Variants in OPLAH observed in about 807,000 individuals in gnomAD.
The protein encoded by OPLAH is 5-oxoprolinase, ATP-hydrolysing, also known as 5-oxoprolinase.
A neutral mutation model predicts 122.8 loss-of-function variants in OPLAH; 103 were observed. The ratio of observed to expected loss-of-function variants is 0.84; its 90% CI spans 0.71 to 0.99. The LOEUF (loss-of-function observed/expected upper bound fraction) is 0.99, where lower values mean the gene tolerates loss of function less well. OPLAH is among the 50% of genes least tolerant of loss of function. The probability of loss-of-function intolerance (pLI) is 0.00; values close to 1 mark genes in which losing one functional copy is unlikely to be tolerated. For synonymous variants in OPLAH, 875 were observed against 796.0 expected (o/e 1.10, Z -1.67); for missense variants, 1,902 against 1,836.5 (o/e 1.04, Z -0.65).
In OPLAH at chr8:144,060,039, G is replaced by A. The variant is rs782002325; in HGVS notation, c.-7C>T. 1.2e-6 allele frequency: 2 copies of A among 1,610,222 alleles called. No homozygotes were observed. The highest frequency in any genetic ancestry group is 2.2e-5 in the East Asian group (1 of 44,820). ...GGCCCTCGGGGCTGCCCATGGTGGT[G>A]GGGCTGGAGTCCCACAGGAGCTCTT... On this transcript the variant is annotated 5_prime_UTR_variant, in exon 2 of 27. Coordinates refer to ENST00000618853, the MANE Select transcript of OPLAH (RefSeq NM_017570.5).
At chr8:144,056,803 C>T (rs1554759318) in intron 12 of OPLAH, 48 bp from the exon 13 acceptor site, 1 of 1,554,898 alleles carries the variant, frequency 6.4e-7, no homozygotes, top group Non-Finnish European at 8.7e-7. Flanking sequence ...CTGCCCTGAC[C>T]CCACCCCACC....
intron 10 of OPLAH, 44 bp downstream of exon 10, chr8:144,057,404 C>T (rs782433568): frequency 1.7e-5 from 27 of 1,587,266 alleles, no homozygotes; most frequent in Non-Finnish European, 2.2e-5. Flanking sequence ...GGGCAGGGAG[C>T]AGGGCTGGGG....
chr8:144,057,836 G>T lies in OPLAH; in HGVS notation c.1156+20C>A, dbSNP rs781790957. 1.9e-6 allele frequency: 3 copies of T among 1,608,044 alleles called. No homozygotes were observed. The highest frequency in any genetic ancestry group is 3.4e-5 in the Admixed American group (2 of 58,812). ...GGCAAGCGGAGGGCAAGGCCAGGCC[G>T]GCCAGATCCTGACTCTTACCTTTGC... is the stretch of plus-strand genomic sequence containing the variant. On this transcript the variant is annotated intron_variant, in intron 9 of 26. Coordinates refer to ENST00000618853, the MANE Select transcript of OPLAH (RefSeq NM_017570.5).
In OPLAH at chr8:144,057,944, G is replaced by T. The variant is rs782248653; in HGVS notation, c.1089-21C>A. On this transcript the variant is annotated intron_variant, in intron 8 of 26. Transcript: ENST00000618853. ...CAGACCTAGGGGAAGGAAGGGCTGG[G>T]GTTGGAGTTGGACACGAGGAGGGAG... 2.5e-6 allele frequency: 4 copies of T among 1,611,986 alleles called. No individual in the cohort carries two copies. The South Asian group carries it at 4.4e-5, about 18-fold the overall frequency.
chr8:144,056,495 G>T lies in OPLAH; in HGVS notation c.1873C>A (p.Pro625Thr). The T allele has an allele frequency of 5.0e-6, 8 of 1,611,972 alleles. No individual in the cohort carries two copies. The highest frequency in any genetic ancestry group is 6.8e-6 in the Non-Finnish European group (8 of 1,179,490). ...TCGTCCACGACCACCGGCCGCTCAG[G>T]TATGACAAAGCCAAACTCCCTCATG... The part of the protein sequence containing the change: ...RYMREFGFVI[P>T]ERPVVVDDVR... Residue 625 changes from proline (P) to threonine (T), a missense_variant, in exon 14 of 27, where the codon CCT becomes ACT. Physicochemically the swap from Pro to Thr is conservative, Grantham distance 38. Around this residue, in one of 3 missense-constraint regions of OPLAH, gnomAD observed 1,726 missense variants for 1,642.1 expected, o/e 1.05. Coordinates refer to ENST00000618853, the MANE Select transcript of OPLAH (RefSeq NM_017570.5).
chr8:144,050,331 G>C, downstream of OPLAH: 1 of 964,604 alleles, frequency 1.0e-6, no homozygotes, highest in Non-Finnish European at 1.2e-6. Context: ...GCAAACAGCT[G>C]ACGCCGCTGC....
Position 144,051,925 on chromosome 8 carries a change from C to G in OPLAH, c.3613G>C (p.Gly1205Arg), listed in dbSNP as rs1014294544. ...LTERRAFRPYGLHGGEPGARG... is the reference protein window; with the variant it reads ...LTERRAFRPYRLHGGEPGARG... ...CTGGGGAACCGCGCACCGTGGAGCC[C>G]GTATGGCCGGAAGGCGCGGCGCTCG... The change falls in exon 25 of 27, where the codon GGG becomes CGG. Residue 1205 changes from glycine (G) to arginine (R), a missense_variant. Physicochemically the swap from Gly to Arg is moderately radical, Grantham distance 125. Around this residue, in one of 3 missense-constraint regions of OPLAH, gnomAD observed 1,726 missense variants for 1,642.1 expected, o/e 1.05. Transcript: ENST00000618853. The G allele has an allele frequency of 3.6e-5, 55 of 1,535,218 alleles. No homozygotes were observed. Among genetic ancestry groups the G allele is most frequent in the Non-Finnish European group, 4.3e-5 (49 of 1,147,538 alleles).
intron 3 of OPLAH, among the ~76,000 whole-genome samples, 172 bp downstream of exon 3, chr8:144,059,427 C>T (rs1292794650): frequency 1.3e-5 from 2 of 152,226 alleles, no homozygotes; most frequent in Middle Eastern, 3.2e-3. Flanking sequence ...ATCCTGTGCC[C>T]ACTCCGAGGG....
Position 144,058,504 on chromosome 8 carries a change from G to A in OPLAH, c.775C>T (p.Gln259Ter). 2 of 1,581,120 alleles carry A rather than the reference G, an allele frequency of 1.3e-6. No individual in the cohort carries two copies. Among genetic ancestry groups the A allele is most frequent in the Non-Finnish European group, 1.7e-6 (2 of 1,167,612 alleles). Residue 259 changes from glutamine (Q) to a stop codon, truncating the protein, a stop_gained, in exon 6 of 27, where the codon CAA becomes TAA. Transcript: ENST00000618853. LOFTEE classifies it high-confidence loss of function. ...GTGCCTCACAGCCTCACCTTGAGTT[G>A]GCCCTGGAAGCCACGGCAGAAGCCC... Reference protein sequence around the residue: ...VQGFCRGFQGQLKDVQVLFMR... With the variant: ...VQGFCRGFQG
chr8:144,057,415 G>A, intron 10 of OPLAH, 33 bp downstream of exon 10: 6 of 1,590,122 alleles, frequency 3.8e-6, no homozygotes, highest in Non-Finnish European at 5.1e-6. Context: ...AGGGCTGGGG[G>A]CAGGACAGGC....
At position 144,057,025 on chromosome 8, in the gene OPLAH, G is replaced by A. The variant is rs1835534967; in HGVS notation, c.1629C>T (p.Thr543=). The change falls in exon 12 of 27, where the codon ACC becomes ACT. Residue 543 remains threonine (T), a synonymous_variant. Coordinates refer to ENST00000618853, the MANE Select transcript of OPLAH (RefSeq NM_017570.5). ...EPCSLLYAPE[T]FVQLDQRLSR... ...TCAGCCTCTGGTCCAGCTGCACGAA[G>A]GTCTCAGGCGCGTAGAGCAGGGAGC... The A allele has an allele frequency of 6.3e-7, 1 of 1,598,600 alleles. No individual in the cohort carries two copies. The highest frequency in any genetic ancestry group is 8.5e-7 in the Non-Finnish European group (1 of 1,173,860).
rs782533925 is a variant in OPLAH at position 144,052,030 on chromosome 8, C to T, written c.3508G>A (p.Gly1170Ser). The change falls in exon 25 of 27, where the codon GGC (glycine) becomes AGC (serine). Residue 1170 changes from glycine to serine, a missense_variant. Physicochemically the swap from Gly to Ser is moderately conservative, Grantham distance 56. Around this residue, in one of 3 missense-constraint regions of OPLAH, gnomAD observed 1,726 missense variants for 1,642.1 expected, o/e 1.05. Coordinates refer to ENST00000618853, the MANE Select transcript of OPLAH (RefSeq NM_017570.5). Reference sequence around the variant, plus strand: ...TCGCCGCCTCGGAAGCGGCCTCTGCCCCCCGAGCCCCGCCGCAGCTCGAAG... The same window carrying T: ...TCGCCGCCTCGGAAGCGGCCTCTGCTCCCCGAGCCCCGCCGCAGCTCGAAG... ...RRFELRRGSG[G>S]RGRFRGGDGV... The T allele has an allele frequency of 6.9e-6, 11 of 1,589,622 alleles. No individual in the cohort carries two copies. In the East Asian group the frequency reaches 2.3e-4, roughly 33 times the overall value.
rs1554759422 is a variant in OPLAH at position 144,057,074 on chromosome 8, AC to A, written c.1579del (p.Val527TrpfsTer25). 3 of 1,602,838 alleles carry A rather than the reference AC, an allele frequency of 1.9e-6. No homozygotes were observed. In the Admixed American group the frequency reaches 5.1e-5, roughly 27 times the overall value. On this transcript the variant is annotated frameshift_variant, in exon 12 of 27. Transcript: ENST00000618853. LOFTEE classifies it high-confidence loss of function. ...GCAGGGTTCCTGTGCCTCATGCACC[AC>A]GTCAGCCAGGGCCAGCCCCAGGGCC... ...LSALGLALAD[V>X]VHEAQEPCSL...
chr8:144,055,730 C>G lies in OPLAH; in HGVS notation c.2248+58G>C. Reference sequence around the variant, plus strand: ...CTCCCTTTGGGCACAGCCCTGCCAGCTACCCCATGACACAGCCGGCGCCTC... The same window carrying G: ...CTCCCTTTGGGCACAGCCCTGCCAGGTACCCCATGACACAGCCGGCGCCTC... On this transcript the variant is annotated intron_variant, in intron 16 of 26. Transcript: ENST00000618853. The surrounding 1 kb of genome is among the most constrained non-coding windows in gnomAD (Gnocchi z 6.5). 7.0e-7 allele frequency: 1 copy of G among 1,432,860 alleles called. No homozygotes were observed. 88.8% of individuals were successfully genotyped at this position (1,432,860 alleles called of 1,614,324 possible). A position where few individuals can be genotyped will look rare whatever the true frequency, so the allele number is the denominator to read the frequency against.
At chr8:144,060,928 C>T (rs1835652506), upstream of OPLAH, among the ~76,000 whole-genome samples, 1 of 152,254 alleles carries the variant, frequency 6.6e-6, no homozygotes, top group Non-Finnish European at 1.5e-5. Flanking sequence ...CGTGGGCGCC[C>T]CAGGATCCCA....
chr8:144,054,665 C>T lies in OPLAH; in HGVS notation c.2582G>A (p.Gly861Asp), dbSNP rs781847609. 3 of 1,612,482 alleles carry T rather than the reference C, an allele frequency of 1.9e-6. 1 individual carries two copies. Among genetic ancestry groups the T allele is most frequent in the Non-Finnish European group, 2.5e-6 (3 of 1,179,776 alleles). ...GGGGGGCATGGAGCCTGGTGTGATGCCCCCGATGTCTGCGTGGTGCCCTCG... is the reference window on the plus strand; with the variant it reads ...GGGGGGCATGGAGCCTGGTGTGATGTCCCCGATGTCTGCGTGGTGCCCTCG... ...ASRGHHADIG[G>D]ITPGSMPPHS... The change falls in exon 19 of 27, where the codon GGC (glycine) becomes GAC (aspartate). Residue 861 changes from glycine (G) to aspartate (D), a missense_variant. Gly to Asp is a moderately conservative substitution (Grantham distance 94). This residue lies in a region of OPLAH where 1,726 missense variants were observed against 1,642.1 expected (regional missense o/e 1.05). Transcript: ENST00000618853.
rs782410745 is a variant in OPLAH, at chr8:144,057,452, G to C, written c.1418C>G (p.Thr473Arg). 2.0e-5 allele frequency: 32 copies of C among 1,585,372 alleles called. No homozygotes were observed. The East Asian group carries it at 6.9e-4, about 34-fold the overall frequency. ...EAMCRPIRAL[T>R]QARGHDPSAH... ...GGAGAGCAGAGGTGGACGTACCTGC[G>C]TGAGTGCACGGATGGGCCGGCACAT... The change falls in exon 10 of 27, where the codon ACG becomes AGG. Residue 473 changes from threonine to arginine, a missense_variant. Physicochemically the swap from Thr to Arg is moderately conservative, Grantham distance 71. Transcript: ENST00000618853.
chr8:144,061,440 C>T (rs1476669959), upstream of OPLAH, among the ~76,000 whole-genome samples: 2 of 151,786 alleles, frequency 1.3e-5, no homozygotes, highest in African/African-American at 2.4e-5. Flanking sequence ...CGCTGGAACC[C>T]GGGAGGCGGA....
At chr8:144,051,093 C>T (rs1440890608), downstream of OPLAH, 32 of 1,378,544 alleles carry the variant, frequency 2.3e-5, no homozygotes, top group Non-Finnish European at 2.7e-5. Flanking sequence ...GGACGACCCT[C>T]AACCTGACTC....
Sources: allele counts gnomAD v4.1 joint callset (sites outside exome capture counted in the v4.1 genomes callset), GRCh38; gene constraint gnomAD v4.1.1; regional missense constraint gnomAD v4.1.1; non-coding constraint Gnocchi (gnomAD v3.1); transcripts MANE v1.5; gene names NCBI Gene and HGNC (gene_info 2026-07-23, HGNC 2026-07-21).